CDHR4: variants seen among roughly 807,000 people sequenced by gnomAD.
CDHR4 encodes the protein cadherin-related family member 4.
CDHR4 carries 89 observed loss-of-function variants against 88.4 expected under a neutral mutation model. The observed-to-expected ratio is 1.01, with a 90% CI of 0.85 to 1.20. CDHR4 has a LOEUF of 1.20. CDHR4 is among the 50% of genes most tolerant of loss of function. CDHR4 has a pLI of 0.00. For synonymous variants in CDHR4, 368 were observed against 399.2 expected (o/e 0.92, Z 0.93); for missense variants, 914 against 1,007.2 (o/e 0.91, Z 1.25).
chr3:49,792,445 G>T, intron 15 of CDHR4, 23 bp downstream of exon 15: 1 of 1,551,038 alleles, frequency 6.4e-7, no homozygotes, highest in South Asian at 1.2e-5. Context: ...GGCAAGTAGG[G>T]AGCACAAGGA....
chr3:49,799,125 G>C lies in CDHR4; in HGVS notation c.272C>G (p.Ala91Gly), dbSNP rs1030920351. 13 of 1,574,526 alleles carry C rather than the reference G, an allele frequency of 8.3e-6. No individual in the cohort carries two copies. In the African/African-American group the frequency reaches 1.6e-4, roughly 20 times the overall value. Residue 91 changes from alanine (A) to glycine (G), a missense_variant, in exon 3 of 19, where the codon GCC (alanine) becomes GGC (glycine). Coordinates refer to ENST00000412678, the MANE Select transcript of CDHR4 (RefSeq NM_001007540.4). The part of the protein sequence containing the change: ...LTLSSSAQLD[A>G]LMVNHYKVQL... Reference sequence around the variant, plus strand: ...CACCTTGTAGTGGTTCACCATCAGGGCATCCAACTGAGCAGAGCTGCTCAA... The same window carrying C: ...CACCTTGTAGTGGTTCACCATCAGGCCATCCAACTGAGCAGAGCTGCTCAA...
In CDHR4 at chr3:49,799,156, A is replaced by G. The variant is rs752315487; in HGVS notation, c.241T>C (p.Leu81=). 12 of 1,583,134 alleles carry G rather than the reference A, an allele frequency of 7.6e-6. 1 individual carries two copies. In the South Asian group the frequency reaches 1.0e-4, roughly 14 times the overall value. The stretch of plus-strand genomic sequence containing the variant: ...AACTGAGCAGAGCTGCTCAAGGTCA[A>G]CTGGGGTGGGTGGACAGTGCCATGT... ...ARWQGTYVGK[L]TLSSSAQLDA... Residue 81 remains leucine, a splice_region_variant and synonymous_variant, in exon 3 of 19, where the codon TTG becomes CTG. Transcript: ENST00000412678.
Position 49,795,116 on chromosome 3 carries a change from G to A in CDHR4, c.1032-16C>T, listed in dbSNP as rs1327053281. The A allele has an allele frequency of 3.9e-6, 6 of 1,551,502 alleles. No homozygotes were observed. Among genetic ancestry groups the A allele is most frequent in the African/African-American group, 1.4e-5 (1 of 73,026 alleles). ...GATTTGGGACCTGAGAGTATGCAGT[G>A]GCAGCAAGGCAGGAGTCTGGCAGTA... On this transcript the variant is annotated splice_polypyrimidine_tract_variant and intron_variant, in intron 8 of 18. Transcript: ENST00000412678. This position sits in a 1 kb window ranked among gnomAD's most constrained non-coding sequence, Gnocchi z 5.4.
chr3:49,799,207 C>G, intron 2 of CDHR4, 40 bp downstream of exon 2: 1 of 1,608,102 alleles, frequency 6.2e-7, no homozygotes, highest in East Asian at 2.2e-5. Context: ...TAGGTCTGCC[C>G]TTGTGCCCCC....
chr3:49,797,908 C>T (rs1205712006), intron 4 of CDHR4, among the ~76,000 whole-genome samples: 1 of 131,162 alleles, frequency 7.6e-6, no homozygotes. Context: ...TTTTTAAATA[C>T]TTTTTTTTTT....
chr3:49,794,930 G>T lies in CDHR4; in HGVS notation c.1185+17C>A. 2 of 1,551,566 alleles carry T rather than the reference G, an allele frequency of 1.3e-6. No homozygotes were observed. The highest frequency in any genetic ancestry group is 1.7e-6 in the Non-Finnish European group (2 of 1,146,952). On this transcript the variant is annotated intron_variant, in intron 9 of 18. Coordinates refer to ENST00000412678, the MANE Select transcript of CDHR4 (RefSeq NM_001007540.4). ...GCAAGCACCCTGCAAGTGGGTCTGG[G>T]AGCTGGGGCTGGGCACCTCAAGGAC...
At chr3:49,802,386 A>G (rs541518085), upstream of CDHR4, among the ~76,000 whole-genome samples, 92 of 152,154 alleles carry the variant, frequency 6.0e-4, 1 homozygote, top group East Asian at 0.016. Context: ...CATGTTAGCC[A>G]GGATGGTCTC....
chr3:49,800,518 C>CA (rs957554280), upstream of CDHR4, among the ~76,000 whole-genome samples: 20 of 144,750 alleles, frequency 1.4e-4, no homozygotes, highest in African/African-American at 2.6e-4. Context: ...GACCCTGTCT[C>CA]AAAAAAAAAG....
chr3:49,801,785 A>T (rs552226528), upstream of CDHR4, among the ~76,000 whole-genome samples: 2 of 152,282 alleles, frequency 1.3e-5, no homozygotes, highest in Non-Finnish European at 2.9e-5. Flanking sequence ...CCTTCAGTGC[A>T]CCTGCCCTGC....
Position 49,791,921 on chromosome 3 carries a change from T to C in CDHR4, c.2177A>G (p.Gln726Arg), listed in dbSNP as rs1428729051. Residue 726 changes from glutamine (Q) to arginine (R), a missense_variant, in exon 16 of 19, where the codon CAG becomes CGG. By Grantham distance (43) the Gln-to-Arg change is conservative. Coordinates refer to ENST00000412678, the MANE Select transcript of CDHR4 (RefSeq NM_001007540.4). The stretch of plus-strand genomic sequence containing the variant: ...GACTGACCTGTTTAGCAGCAAAGCC[T>C]GGGCTGGTTTGCTGGGTGCTTGCAG... ...QLLQAPSKPA[Q>R]ALLLNSIQGT... 7 of 1,551,600 alleles carry C rather than the reference T, an allele frequency of 4.5e-6. No homozygotes were observed. Among genetic ancestry groups the C allele is most frequent in the Non-Finnish European group, 6.1e-6 (7 of 1,146,984 alleles).
rs375383224 is a variant in CDHR4, at chr3:49,795,809, C to T, written c.711-45G>A. 365 of 1,549,414 alleles carry T rather than the reference C, an allele frequency of 2.4e-4. 1 individual carries two copies. The African/African-American group carries it at 4.1e-3, about 17-fold the overall frequency. Reference sequence around the variant, plus strand: ...CTGGTTCCTGCCCATTCCTGCTCAACCTGTGGGTCCACAGCTTCCTTCCCT... The same window carrying T: ...CTGGTTCCTGCCCATTCCTGCTCAATCTGTGGGTCCACAGCTTCCTTCCCT... On this transcript the variant is annotated intron_variant, in intron 6 of 18. Coordinates refer to ENST00000412678, the MANE Select transcript of CDHR4 (RefSeq NM_001007540.4). The surrounding 1 kb of genome is among the most constrained non-coding windows in gnomAD (Gnocchi z 5.4).
At chr3:49,796,725 C>T (rs1469922969) in intron 5 of CDHR4, among the ~76,000 whole-genome samples, 197 bp downstream of exon 5, 2 of 152,172 alleles carry the variant, frequency 1.3e-5, no homozygotes, top group South Asian at 2.1e-4. Flanking sequence ...GAGAGGGATT[C>T]CTCTTCTTTC....
rs890101777 is a variant in CDHR4, at chr3:49,793,956, C to G, written c.1330G>C (p.Ala444Pro). 1 of 1,551,626 alleles carries G rather than the reference C, an allele frequency of 6.4e-7. No homozygotes were observed. The highest frequency in any genetic ancestry group is 1.4e-5 in the African/African-American group (1 of 73,062). Reference protein sequence around the residue: ...MVTPINEFSPACAPRTFRVQE... With the variant: ...MVTPINEFSPPCAPRTFRVQE... Reference sequence around the variant, plus strand: ...ACCCGGAACGTGCGAGGGGCACAGGCTGGGGAGAACTCGTTGATGGGTGTC... The same window carrying G: ...ACCCGGAACGTGCGAGGGGCACAGGGTGGGGAGAACTCGTTGATGGGTGTC... The change falls in exon 11 of 19, where the codon GCC becomes CCC. Residue 444 changes from alanine (A) to proline (P), a missense_variant. By Grantham distance (27) the Ala-to-Pro change is conservative (BLOSUM62 -1). Coordinates refer to ENST00000412678, the MANE Select transcript of CDHR4 (RefSeq NM_001007540.4).
Position 49,795,935 on chromosome 3 carries a change from A to G in CDHR4, c.710+8T>C. 2.0e-6 allele frequency: 3 copies of G among 1,532,066 alleles called. No homozygotes were observed. The highest frequency in any genetic ancestry group is 2.6e-6 in the Non-Finnish European group (3 of 1,137,902). The allele number at this position is 1,532,066 out of a possible 1,614,324, so 94.9% of individuals were successfully genotyped here. A position where few individuals can be genotyped will look rare whatever the true frequency, so the allele number is the denominator to read the frequency against. On this transcript the variant is annotated splice_region_variant and intron_variant, in intron 6 of 18. Coordinates refer to ENST00000412678, the MANE Select transcript of CDHR4 (RefSeq NM_001007540.4). This position sits in a 1 kb window ranked among gnomAD's most constrained non-coding sequence, Gnocchi z 5.4. ...CTCCCTCACTGTTCCAGGGTAGGGG[A>G]GCCTTACAGGAAGGAGACCTGGCTG...
At chr3:49,791,509 C>T in intron 17 of CDHR4, 41 bp from the exon 18 acceptor site, 1 of 1,541,508 alleles carries the variant, frequency 6.5e-7, no homozygotes, top group South Asian at 1.2e-5. Flanking sequence ...GAATTGAACC[C>T]TGCCCACAGG....
At chr3:49,796,163 C>T (rs1221818928) in intron 5 of CDHR4, 117 bp from the exon 6 acceptor site, 36 of 637,234 alleles carry the variant, frequency 5.6e-5, no homozygotes, top group Non-Finnish European at 3.4e-5. Context: ...GGATCTTCAA[C>T]TTCCACTCTT....
rs773486109 is a variant in CDHR4, at chr3:49,799,263, C to A, written c.224G>T (p.Gly75Val). The A allele has an allele frequency of 3.1e-6, 5 of 1,613,608 alleles. No individual in the cohort carries two copies. The Admixed American group carries it at 5.0e-5, about 16-fold the overall frequency. Residue 75 changes from glycine (G) to valine (V), a missense_variant, in exon 2 of 19, where the codon GGG becomes GTG. Transcript: ENST00000412678. ...TGACCCTACCTTGCCCACATAGGTC[C>A]CTTGCCACCTGGCCAAGCTGGGTGG... ...FNPPSLARWQ[G>V]TYVGKLTLSS...
chr3:49,791,432 G>C lies in CDHR4; in HGVS notation c.2311+9C>G. The stretch of plus-strand genomic sequence containing the variant: ...AGGCAGAGAATAGCTTAGGAAGAGG[G>C]GGACTCACGGGAGTCCTGTGCTCTG... On this transcript the variant is annotated intron_variant, in intron 18 of 18. Coordinates refer to ENST00000412678, the MANE Select transcript of CDHR4 (RefSeq NM_001007540.4). 3 of 1,542,306 alleles carry C rather than the reference G, an allele frequency of 1.9e-6. No homozygotes were observed. Among genetic ancestry groups the C allele is most frequent in the Non-Finnish European group, 2.6e-6 (3 of 1,144,358 alleles).
intron 4 of CDHR4, among the ~76,000 whole-genome samples, chr3:49,797,660 G>A (rs2081291772): frequency 6.7e-6 from 1 of 150,228 alleles, no homozygotes. Flanking sequence ...TTTGGTATTT[G>A]TAGTAGAGAT....
Sources: gnomAD v4.1 joint callset for allele counts (sites outside exome capture counted in the v4.1 genomes callset) on GRCh38, gnomAD v4.1.1 for gene constraint, Gnocchi (gnomAD v3.1) non-coding constraint, MANE v1.5 for transcripts, NCBI Gene and HGNC (gene_info 2026-07-23, HGNC 2026-07-21) for gene names.